The following FOXP1 variants were observed in gnomAD, a reference collection of about 807,000 sequenced individuals.
The protein encoded by FOXP1 is forkhead box protein P1.
In FOXP1, 15 loss-of-function variants were observed where a neutral mutation model predicts 98.2. The ratio of observed to expected loss-of-function variants is 0.15; its 90% CI spans 0.10 to 0.24. The LOEUF is 0.24. Ranked by LOEUF, FOXP1 falls within the 10% of genes least tolerant of loss-of-function variation. The probability of loss-of-function intolerance (pLI) is 1.00; values close to 1 mark genes in which losing one functional copy is unlikely to be tolerated. For synonymous variants in FOXP1, 371 were observed against 314.5 expected (o/e 1.18, Z -1.90); for missense variants, 633 against 848.5 (o/e 0.75, Z 3.15).
chr3:71,042,362 C>A (rs1187164757), intron 10 of FOXP1, among the ~76,000 whole-genome samples: 4 of 152,124 alleles, frequency 2.6e-5, no homozygotes, highest in Admixed American at 1.3e-4. Flanking sequence ...AGAAGAGATA[C>A]AATCAGTATG....
chr3:71,539,109 G>T (rs1441163221), intron 2 of FOXP1, among the ~76,000 whole-genome samples: 5 of 146,708 alleles, frequency 3.4e-5, no homozygotes, highest in African/African-American at 1.3e-4. Flanking sequence ...TTATTTTTTT[G>T]TTTTTATTTT....
chr3:71,034,437 G>A (rs939921392), intron 11 of FOXP1, among the ~76,000 whole-genome samples: 9 of 152,088 alleles, frequency 5.9e-5, no homozygotes, highest in Admixed American at 2.6e-4. Flanking sequence ...GCTATGTGAC[G>A]TGTGCAAGCG....
intron 4 of FOXP1, among the ~76,000 whole-genome samples, chr3:71,319,400 G>A (rs951184763): frequency 1.3e-5 from 2 of 152,098 alleles, no homozygotes; most frequent in East Asian, 1.9e-4. Flanking sequence ...AAGCCTCTAA[G>A]TTGCTACTAA....
At chr3:71,028,020 C>G (rs765247848) in intron 11 of FOXP1, among the ~76,000 whole-genome samples, 2 of 151,958 alleles carry the variant, frequency 1.3e-5, no homozygotes, top group African/African-American at 4.8e-5. Context: ...TGGGCCTTAA[C>G]GTATCAGTAG....
At chr3:71,152,037 T>C (rs1407694887) in intron 6 of FOXP1, among the ~76,000 whole-genome samples, 1 of 152,234 alleles carries the variant, frequency 6.6e-6, no homozygotes, top group African/African-American at 2.4e-5. Flanking sequence ...CCCTAATCAG[T>C]TGACTCTGAG....
intron 6 of FOXP1, among the ~76,000 whole-genome samples, chr3:71,194,041 G>C (rs1002480866): frequency 6.6e-6 from 1 of 152,074 alleles, no homozygotes; most frequent in African/African-American, 2.4e-5. Context: ...CCTTAAACCA[G>C]ATGTCAAAGA....
chr3:71,285,968 T>C (rs185810506), intron 5 of FOXP1, among the ~76,000 whole-genome samples: 46 of 152,342 alleles, frequency 3.0e-4, no homozygotes, highest in African/African-American at 1.1e-3. Flanking sequence ...GGATAGGTTC[T>C]GAGAAACGTG....
chr3:71,406,397 C>CTGTATGTA (rs57322174), intron 3 of FOXP1, among the ~76,000 whole-genome samples: 39 of 60,268 alleles, frequency 6.5e-4, no homozygotes, highest in Non-Finnish European at 1.5e-3. Context: ...CACATAATAA[C>CTGTATGTA]TGTATGTGTA....
At position 71,397,804 on chromosome 3, in the gene FOXP1, G is replaced by C. The variant is rs148416515; in HGVS notation, c.-167-38560C>G. Among the ~76,000 whole-genome samples, 215 of 152,300 alleles carry C rather than the reference G, an allele frequency of 1.4e-3. 1 individual carries two copies. Among genetic ancestry groups the C allele is most frequent in the African/African-American group, 4.6e-3 (193 of 41,548 alleles). On this transcript the variant is annotated intron_variant, in intron 3 of 20. Coordinates refer to ENST00000649528, the MANE Select transcript of FOXP1 (RefSeq NM_001349338.3). ...AATTTCTCCATCTACACTGGAAAAG[G>C]CAGGAAAGTTCCTATGTCTAGTATA...
chr3:71,174,390 C>T (rs562572452), intron 6 of FOXP1, among the ~76,000 whole-genome samples: 1 of 152,120 alleles, frequency 6.6e-6, no homozygotes, highest in Non-Finnish European at 1.5e-5. Context: ...CACTGCACTC[C>T]AGCCTGGGCA....
intron 2 of FOXP1, among the ~76,000 whole-genome samples, chr3:71,560,796 G>A (rs910362862): frequency 4.6e-5 from 7 of 152,142 alleles, no homozygotes; most frequent in African/African-American, 1.7e-4. Flanking sequence ...AAAGCAGACA[G>A]ACACAAAAGG....
intron 6 of FOXP1, among the ~76,000 whole-genome samples, chr3:71,119,214 T>C (rs1318470146): frequency 6.6e-6 from 1 of 152,230 alleles, no homozygotes; most frequent in Non-Finnish European, 1.5e-5. Flanking sequence ...ACTTTGAAGA[T>C]GTGTTTCTGC....
chr3:70,976,954 G>A lies in FOXP1; in HGVS notation c.1517C>T (p.Ala506Val), dbSNP rs2037694710. 5 of 1,613,278 alleles carry A rather than the reference G, an allele frequency of 3.1e-6. No homozygotes were observed. Among genetic ancestry groups the A allele is most frequent in the Non-Finnish European group, 4.2e-6 (5 of 1,179,230 alleles). The stretch of plus-strand genomic sequence containing the variant: ...GAGAAAGCTTACCTTCCACGTGGCC[G>A]CGTTGCGTCGGAAGTAAGCAAACAT... ...TRMFAYFRRN[A>V]ATWKNAVRHN... is the part of the protein sequence containing the mutation. Residue 506 changes from alanine (A) to valine (V), a missense_variant, in exon 17 of 21, where the codon GCG becomes GTG. Transcript: ENST00000649528.
At chr3:71,133,636 C>A (rs947864335) in intron 6 of FOXP1, among the ~76,000 whole-genome samples, 3 of 151,882 alleles carry the variant, frequency 2.0e-5, no homozygotes, top group African/African-American at 7.3e-5. Flanking sequence ...ACAGCAAAAA[C>A]ACAGCTAATA....
intron 5 of FOXP1, 42 bp from the exon 6 acceptor site, chr3:71,198,434 GAA>G (rs961811361): frequency 3.3e-6 from 2 of 604,914 alleles, no homozygotes; most frequent in Admixed American, 2.3e-5. Context: ...GAGGGGGGGA[GAA>G]AAAAAAAGCA....
At chr3:71,066,858 T>C (rs2052580156) in intron 7 of FOXP1, among the ~76,000 whole-genome samples, 1 of 152,216 alleles carries the variant, frequency 6.6e-6, no homozygotes, top group Admixed American at 6.5e-5. Flanking sequence ...CAGCTAATAG[T>C]CTGCAGGTGC....
intron 3 of FOXP1, among the ~76,000 whole-genome samples, chr3:71,486,216 C>T (rs762209409): frequency 9.2e-5 from 14 of 151,974 alleles, no homozygotes; most frequent in Non-Finnish European, 1.8e-4. Flanking sequence ...AGAATAATAC[C>T]TAGAACACAG....
At chr3:71,513,171 C>T (rs1386621541) in intron 2 of FOXP1, among the ~76,000 whole-genome samples, 1 of 152,152 alleles carries the variant, frequency 6.6e-6, no homozygotes, top group Non-Finnish European at 1.5e-5. Flanking sequence ...TCAGACTCAA[C>T]ACGTCCAGAA....
chr3:71,358,555 C>T (rs965075843), intron 4 of FOXP1, among the ~76,000 whole-genome samples: 7 of 152,192 alleles, frequency 4.6e-5, no homozygotes, highest in African/African-American at 1.7e-4. Flanking sequence ...CCTTACAACA[C>T]CATCTTTCAA....
Sources: gnomAD v4.1 joint callset for allele counts (sites outside exome capture counted in the v4.1 genomes callset) on GRCh38, gnomAD v4.1.1 for gene constraint, MANE v1.5 for transcripts, NCBI Gene and HGNC (gene_info 2026-07-23, HGNC 2026-07-21) for gene names.